The following UACA variants were observed in gnomAD, a reference collection of about 807,000 sequenced individuals.
The protein encoded by UACA is nuclear membrane binding protein.
UACA carries 112 observed loss-of-function variants against 160.5 expected under a neutral mutation model. The ratio of observed to expected loss-of-function variants is 0.70; its 90% CI spans 0.60 to 0.82. The LOEUF is 0.82. Ranked by LOEUF, UACA falls within the 40% of genes least tolerant of loss-of-function variation. UACA has a pLI of 0.00. For missense variants in UACA, 1,574 were observed against 1,614.6 expected, an observed-to-expected ratio of 0.97 and a Z score of 0.43; for synonymous variants, 557 against 568.4, an observed-to-expected ratio of 0.98 and a Z score of 0.29.
intron 1 of UACA, among the ~76,000 whole-genome samples, chr15:70,735,322 G>A (rs1224970987): frequency 6.6e-6 from 1 of 151,460 alleles, no homozygotes; most frequent in East Asian, 1.9e-4. Flanking sequence ...TAACAAACAT[G>A]CATATGTACC....
chr15:70,700,589 ATG>A (rs1394463186), intron 1 of UACA, among the ~76,000 whole-genome samples: 2 of 151,896 alleles, frequency 1.3e-5, no homozygotes, highest in African/African-American at 4.8e-5. Context: ...TTTAAGAAGG[ATG>A]TCTCATATAA....
chr15:70,690,295 C>T (rs903809595), intron 5 of UACA, among the ~76,000 whole-genome samples, 159 bp downstream of exon 5: 5 of 152,008 alleles, frequency 3.3e-5, no homozygotes, highest in African/African-American at 1.2e-4. Context: ...TCTTTTTAAG[C>T]GGTATAATCT....
intron 5 of UACA, 91 bp downstream of exon 5, chr15:70,690,363 A>ATGTGT: frequency 8.9e-7 from 1 of 1,124,398 alleles, no homozygotes; most frequent in Non-Finnish European, 1.3e-6. Context: ...TCCATGAATT[A>ATGTGT]TATAAATATC....
upstream of UACA, among the ~76,000 whole-genome samples, chr15:70,766,878 A>G (rs1047700504): frequency 8.5e-5 from 13 of 152,216 alleles, no homozygotes; most frequent in African/African-American, 2.7e-4. Flanking sequence ...ACAGATGCTC[A>G]CTGATAACTC....
At chr15:70,673,054 C>T (rs1424886110) in intron 13 of UACA, among the ~76,000 whole-genome samples, 1 of 152,152 alleles carries the variant, frequency 6.6e-6, no homozygotes, top group Non-Finnish European at 1.5e-5. Context: ...CGAGATCGTG[C>T]CATTGCACTC....
chr15:70,688,558 A>G (rs369395862), intron 5 of UACA, among the ~76,000 whole-genome samples: 1 of 152,184 alleles, frequency 6.6e-6, no homozygotes, highest in African/African-American at 2.4e-5. Flanking sequence ...TTCGTCTCTA[A>G]TCCAGCAAAT....
At chr15:70,677,016 C>T in intron 12 of UACA, 92 bp downstream of exon 12, 1 of 927,670 alleles carries the variant, frequency 1.1e-6, no homozygotes, top group Non-Finnish European at 1.7e-6. Flanking sequence ...GAATCCTGGT[C>T]TCTATCTCAA....
At chr15:70,759,035 C>G (rs965555077) in intron 1 of UACA, among the ~76,000 whole-genome samples, 1 of 152,140 alleles carries the variant, frequency 6.6e-6, no homozygotes, top group Non-Finnish European at 1.5e-5. Context: ...ACCATCACGT[C>G]GGGCTAATCT....
At chr15:70,689,437 G>A (rs1897846805) in intron 5 of UACA, among the ~76,000 whole-genome samples, 1 of 152,086 alleles carries the variant, frequency 6.6e-6, no homozygotes, top group African/African-American at 2.4e-5. Flanking sequence ...GGGTCATTGT[G>A]AGGCTCAAAT....
At chr15:70,717,787 T>G (rs574318141) in intron 1 of UACA, among the ~76,000 whole-genome samples, 7 of 152,310 alleles carry the variant, frequency 4.6e-5, no homozygotes, top group Admixed American at 1.3e-4. Flanking sequence ...CAGATGTAAC[T>G]GTGAAGGTAT....
At chr15:70,764,323 C>A (rs1259290533), upstream of UACA, among the ~76,000 whole-genome samples, 1 of 152,060 alleles carries the variant, frequency 6.6e-6, no homozygotes, top group Non-Finnish European at 1.5e-5. Context: ...TTTTTGTTTT[C>A]TGTAGAAACA....
intron 2 of UACA, among the ~76,000 whole-genome samples, chr15:70,698,400 C>A (rs1362120545): frequency 6.6e-6 from 1 of 152,160 alleles, no homozygotes; most frequent in South Asian, 2.1e-4. Flanking sequence ...TAAATTTTCA[C>A]AATTTATGCT....
chr15:70,742,016 C>G (rs1899553730), intron 1 of UACA, among the ~76,000 whole-genome samples: 1 of 152,166 alleles, frequency 6.6e-6, no homozygotes, highest in Admixed American at 6.5e-5. Context: ...GTGACTCACC[C>G]TTTTCCAGGA....
intron 1 of UACA, among the ~76,000 whole-genome samples, chr15:70,711,358 T>C (rs539535347): frequency 2.9e-4 from 44 of 151,960 alleles, no homozygotes; most frequent in Non-Finnish European, 5.0e-4. Context: ...GCCTGGATAA[T>C]TCATTTGTTC....
chr15:70,751,498 A>G (rs2030055457), intron 1 of UACA, among the ~76,000 whole-genome samples: 1 of 152,260 alleles, frequency 6.6e-6, no homozygotes, highest in African/African-American at 2.4e-5. Context: ...AAAGCACCGT[A>G]TTAATATGCA....
intron 4 of UACA, 136 bp downstream of exon 4, chr15:70,691,163 A>C (rs1161701974): frequency 1.8e-6 from 1 of 559,794 alleles, no homozygotes; most frequent in Non-Finnish European, 3.0e-6. Flanking sequence ...TTCACAAATG[A>C]TGGAAAAAAT....
chr15:70,683,221 T>C (rs1897578090), intron 8 of UACA, among the ~76,000 whole-genome samples: 1 of 151,896 alleles, frequency 6.6e-6, no homozygotes, highest in African/African-American at 2.4e-5. Context: ...TAGCTGGCCA[T>C]GGTGGTACAT....
At chr15:70,712,461 AT>A (rs1898712180) in intron 1 of UACA, among the ~76,000 whole-genome samples, 1 of 151,906 alleles carries the variant, frequency 6.6e-6, no homozygotes, top group South Asian at 2.1e-4. Flanking sequence ...GCGGTCAGTA[AT>A]TTTTCTAAAA....
At chr15:70,717,868 T>C (rs1898866377) in intron 1 of UACA, among the ~76,000 whole-genome samples, 1 of 152,032 alleles carries the variant, frequency 6.6e-6, no homozygotes, top group Non-Finnish European at 1.5e-5. Context: ...CTCAATCCCT[T>C]AAAGGGCTTA....
Sources: allele counts gnomAD v4.1 joint callset (sites outside exome capture counted in the v4.1 genomes callset), GRCh38; gene constraint gnomAD v4.1.1; transcripts MANE v1.5; gene names NCBI Gene and HGNC (gene_info 2026-07-23, HGNC 2026-07-21).